Variants in SH3RF3 observed in about 807,000 individuals in gnomAD.
SH3RF3 encodes E3 ubiquitin-protein ligase SH3RF3.
SH3RF3 carries 29 observed loss-of-function variants against 66.3 expected under a neutral mutation model. The observed-to-expected ratio is 0.44, with a 90% CI of 0.33 to 0.60. The LOEUF (loss-of-function observed/expected upper bound fraction) is 0.60. Ranked by LOEUF, SH3RF3 falls within the 20% of genes least tolerant of loss-of-function variation. SH3RF3 has a pLI of 0.04. For missense variants in SH3RF3, 1,194 were observed against 1,190.9 expected, an observed-to-expected ratio of 1.00 and a Z score of -0.04; for synonymous variants, 583 against 532.0, an observed-to-expected ratio of 1.10 and a Z score of -1.32.
chr2:109,190,781 A>G (rs1375625432), intron 1 of SH3RF3, among the ~76,000 whole-genome samples: 1 of 152,074 alleles, frequency 6.6e-6, no homozygotes, highest in Non-Finnish European at 1.5e-5. Context: ...GATCACTCAT[A>G]GGTGTTGCAT....
chr2:109,198,373 C>CATA (rs10661873), intron 1 of SH3RF3, among the ~76,000 whole-genome samples: 1 of 151,860 alleles, frequency 6.6e-6, no homozygotes, highest in Non-Finnish European at 1.5e-5. Context: ...ACAACTTAAA[C>CATA]AAAACTCAGT....
intron 1 of SH3RF3, among the ~76,000 whole-genome samples, chr2:109,151,049 G>T (rs1381062821): frequency 6.6e-6 from 1 of 152,164 alleles, no homozygotes; most frequent in East Asian, 1.9e-4. Flanking sequence ...AGGCTTTTAT[G>T]GATAATATTG....
intron 1 of SH3RF3, among the ~76,000 whole-genome samples, chr2:109,179,059 C>T (rs1574489441): frequency 7.6e-6 from 1 of 131,026 alleles, no homozygotes; most frequent in Non-Finnish European, 1.7e-5. Flanking sequence ...GAATGAGAGT[C>T]TGTAAGTAAA....
chr2:109,234,857 C>A (rs1053499224), intron 1 of SH3RF3, among the ~76,000 whole-genome samples: 1 of 152,210 alleles, frequency 6.6e-6, no homozygotes, highest in African/African-American at 2.4e-5. Flanking sequence ...TTGAACAGTT[C>A]TAGTTGCCAC....
Position 109,203,799 on chromosome 2 carries a change from C to G in SH3RF3, c.573+73686C>G, listed in dbSNP as rs1678742320. 2.0e-5 allele frequency among the ~76,000 whole-genome samples: 3 copies of G among 147,010 alleles called. No homozygotes were observed. The Admixed American group carries it at 2.1e-4, about 10-fold the overall frequency. The stretch of plus-strand genomic sequence containing the variant: ...CGGTCCATCCATTCCTGCCCTTTGT[C>G]TCATGCACGCCTCGACTCTGAAGCG... On this transcript the variant is annotated intron_variant, in intron 1 of 9. Transcript: ENST00000309415.
intron 1 of SH3RF3, among the ~76,000 whole-genome samples, chr2:109,154,950 G>C (rs1677306591): frequency 6.6e-6 from 1 of 152,204 alleles, no homozygotes; most frequent in Non-Finnish European, 1.5e-5. Flanking sequence ...TGTCAAAAGA[G>C]GCTTTCCAGA....
chr2:109,417,958 T>G (rs1676769076), intron 4 of SH3RF3, among the ~76,000 whole-genome samples: 1 of 152,118 alleles, frequency 6.6e-6, no homozygotes, highest in African/African-American at 2.4e-5. Flanking sequence ...GAGGCCAGTC[T>G]GGGGGCAGGG....
intron 4 of SH3RF3, among the ~76,000 whole-genome samples, chr2:109,415,428 G>A (rs765210774): frequency 9.9e-5 from 15 of 152,182 alleles, no homozygotes; most frequent in Non-Finnish European, 1.9e-4. Flanking sequence ...CCCAGCCATG[G>A]TAGACTCTGC....
At chr2:109,411,216 A>C (rs184068846) in intron 4 of SH3RF3, among the ~76,000 whole-genome samples, 2 of 152,192 alleles carry the variant, frequency 1.3e-5, no homozygotes, top group Non-Finnish European at 2.9e-5. Context: ...TTGGGGGCTG[A>C]AAGTACATCC....
intron 1 of SH3RF3, among the ~76,000 whole-genome samples, chr2:109,190,178 T>C (rs1278520027): frequency 7.0e-6 from 1 of 143,834 alleles, no homozygotes; most frequent in African/African-American, 2.5e-5. Flanking sequence ...TGACATCCTA[T>C]TTTTTTTTTT....
chr2:109,348,456 G>C (rs1415296519), intron 2 of SH3RF3, among the ~76,000 whole-genome samples: 7 of 152,188 alleles, frequency 4.6e-5, no homozygotes, highest in Admixed American at 3.9e-4. Flanking sequence ...CTGGTGCGTA[G>C]GGATCCCTGT....
In SH3RF3 at chr2:109,129,598, A is replaced by C; in HGVS notation, c.58A>C (p.Ser20Arg). 2 of 1,482,588 alleles carry C rather than the reference A, an allele frequency of 1.3e-6. No individual in the cohort carries two copies. The highest frequency in any genetic ancestry group is 1.8e-6 in the Non-Finnish European group (2 of 1,125,538). 91.8% of individuals were successfully genotyped at this position (1,482,588 alleles called of 1,614,324 possible). A position where few individuals can be genotyped will look rare whatever the true frequency, so the allele number is the denominator to read the frequency against. ...CAAGGCGGCCGCCGCTGCTGCGCAG[A>C]GCGAGGGCGACGAGGACAGGCCAGG... is the stretch of plus-strand genomic sequence containing the variant. ...ASKAAAAAAQ[S>R]EGDEDRPGER... Residue 20 changes from serine to arginine, a missense_variant, in exon 1 of 10, where the codon AGC (serine) becomes CGC (arginine). Physicochemically the swap from Ser to Arg is moderately radical, Grantham distance 110. Coordinates refer to ENST00000309415, the MANE Select transcript of SH3RF3 (RefSeq NM_001099289.3).
intron 1 of SH3RF3, among the ~76,000 whole-genome samples, chr2:109,219,138 G>A (rs1560386): frequency 6.6e-6 from 1 of 151,934 alleles, no homozygotes; most frequent in East Asian, 1.9e-4. Flanking sequence ...CACCTCTCTC[G>A]CTCACACCCC....
chr2:109,387,843 A>G (rs764376717), intron 3 of SH3RF3, among the ~76,000 whole-genome samples: 38 of 147,168 alleles, frequency 2.6e-4, no homozygotes, highest in African/African-American at 9.1e-4. Context: ...TTCCAAAGCA[A>G]CAGCCCCAGA....
At chr2:109,408,154 C>A (rs368456021) in intron 4 of SH3RF3, among the ~76,000 whole-genome samples, 1 of 152,162 alleles carries the variant, frequency 6.6e-6, no homozygotes, top group African/African-American at 2.4e-5. Context: ...CTGCAGGGAT[C>A]CACAGAGGGT....
chr2:109,307,687 T>C (rs1313441038), intron 1 of SH3RF3, among the ~76,000 whole-genome samples: 1 of 147,058 alleles, frequency 6.8e-6, no homozygotes, highest in African/African-American at 2.6e-5. Context: ...GGTTTTTTGC[T>C]CTTGCGATAG....
In SH3RF3 at chr2:109,151,008, G is replaced by A. The variant is rs150539572; in HGVS notation, c.573+20895G>A. On this transcript the variant is annotated intron_variant, in intron 1 of 9. Coordinates refer to ENST00000309415, the MANE Select transcript of SH3RF3 (RefSeq NM_001099289.3). ...CATTGCTGAAACATTGATGAAGGTC[G>A]ACACTGCTTATGGAGTGCAATGCAA... Among the ~76,000 whole-genome samples, 708 of 152,254 alleles carry A rather than the reference G, an allele frequency of 4.7e-3. 4 individuals carry two copies. Among genetic ancestry groups the A allele is most frequent in the Non-Finnish European group, 7.2e-3 (488 of 68,024 alleles).
chr2:109,367,872 T>C (rs897050232), intron 2 of SH3RF3, among the ~76,000 whole-genome samples: 2 of 152,208 alleles, frequency 1.3e-5, no homozygotes, highest in African/African-American at 4.8e-5. Flanking sequence ...TGATATTTGA[T>C]AGGAATCACC....
chr2:109,493,377 AAC>A (rs1394533818), intron 9 of SH3RF3, among the ~76,000 whole-genome samples: 4 of 150,456 alleles, frequency 2.7e-5, no homozygotes, highest in African/African-American at 9.8e-5. Context: ...ACACACTGCA[AAC>A]ACACATGGTA....
Sources: gnomAD v4.1 joint callset for allele counts (sites outside exome capture counted in the v4.1 genomes callset) on GRCh38, gnomAD v4.1.1 for gene constraint, MANE v1.5 for transcripts, NCBI Gene and HGNC (gene_info 2026-07-23, HGNC 2026-07-21) for gene names.